The following MMP12 variants were observed in gnomAD, a reference collection of about 807,000 sequenced individuals.
MMP12 encodes matrix metallopeptidase 12, also known as macrophage metalloelastase.
Under a neutral mutation model 45.2 loss-of-function variants are expected in MMP12, and 51 were observed. That is an observed-to-expected ratio of 1.13 (90% CI 0.90 to 1.42). The LOEUF is 1.42. MMP12 is among the 40% of genes most tolerant of loss of function. The probability of loss-of-function intolerance (pLI) is 0.00; values close to 1 mark genes in which losing one functional copy is unlikely to be tolerated. For synonymous variants in MMP12, 210 were observed against 193.3 expected, an observed-to-expected ratio of 1.09 and a Z score of -0.72; for missense variants, 530 against 570.8, an observed-to-expected ratio of 0.93 and a Z score of 0.73.
chr11:102,868,616 G>A (rs1859439831), intron 4 of MMP12, among the ~76,000 whole-genome samples: 2 of 152,080 alleles, frequency 1.3e-5, no homozygotes, highest in Admixed American at 1.3e-4. Context: ...GGTACTGTGA[G>A]TCACTGAGAA....
Position 102,871,700 on chromosome 11 carries a change from A to G in MMP12, c.519T>C (p.Ala173=). 1 of 1,609,820 alleles carries G rather than the reference A, an allele frequency of 6.2e-7. No individual in the cohort carries two copies. Among genetic ancestry groups the G allele is most frequent in the Non-Finnish European group, 8.5e-7 (1 of 1,177,810 alleles). The change falls in exon 4 of 10, where the codon GCT becomes GCC. Residue 173 remains alanine (A), a synonymous_variant. Transcript: ENST00000571244. ...FARGAHGDFH[A]FDGKGGILAH... is the part of the protein sequence containing the mutation. ...CTAGGATTCCACCTTTGCCATCAAA[A>G]GCATGGAAGTCTCCATGAGCTTTTG...
chr11:102,867,037 TTCCTACTGCAAA>T (rs1859400285), intron 6 of MMP12, among the ~76,000 whole-genome samples: 1 of 152,176 alleles, frequency 6.6e-6, no homozygotes, highest in African/African-American at 2.4e-5. Context: ...CCATCCCAGA[TTCCTACTGCAAA>T]TCGTTTTTTA....
At chr11:102,872,713 T>G (rs1859522802) in intron 2 of MMP12, among the ~76,000 whole-genome samples, 152 bp downstream of exon 2, 1 of 152,156 alleles carries the variant, frequency 6.6e-6, no homozygotes, top group African/African-American at 2.4e-5. Flanking sequence ...AATTCTTCCT[T>G]CTAGAGAAAA....
At chr11:102,873,174 C>T in intron 1 of MMP12, 62 bp from the exon 2 acceptor site, 1 of 1,466,020 alleles carries the variant, frequency 6.8e-7, no homozygotes, top group Non-Finnish European at 9.3e-7. Context: ...GTTGGGAGCT[C>T]CACATATATG....
In MMP12 at chr11:102,874,879, T is replaced by C; in HGVS notation, c.59A>G (p.Asn20Ser). The change falls in exon 1 of 10, where the codon AAC (asparagine) becomes AGC (serine). Residue 20 changes from asparagine to serine, a missense_variant. Physicochemically the swap from Asn to Ser is conservative, Grantham distance 46. Transcript: ENST00000571244. ...ATTTTTTTCCAGGCTTGTAGAGCTG[T>C]TCAGGGGAAGAGCTCCAGAAGCAGT... ...QATASGALPL[N>S]SSTSLEKNNV... 1 of 1,607,702 alleles carries C rather than the reference T, an allele frequency of 6.2e-7. No homozygotes were observed. The highest frequency in any genetic ancestry group is 8.5e-7 in the Non-Finnish European group (1 of 1,176,906).
intron 1 of MMP12, 128 bp from the exon 2 acceptor site, chr11:102,873,240 G>T (rs997165376): frequency 1.2e-6 from 1 of 803,394 alleles, no homozygotes; most frequent in Non-Finnish European, 1.9e-6. Context: ...TTACTCACAG[G>T]TTAGATTATT....
chr11:102,872,069 C>T (rs540692443), intron 2 of MMP12, 117 bp from the exon 3 acceptor site: 1 of 1,185,330 alleles, frequency 8.4e-7, no homozygotes, highest in Admixed American at 3.4e-5. Context: ...AATCAAGAGT[C>T]CAGATTTTAA....
rs550262956 is a variant in MMP12 at position 102,865,819 on chromosome 11, G to A, written c.1162C>T (p.Arg388Cys). Reference protein sequence around the residue: ...KKIDAAVFNPRFYRTYFFVDN... With the variant: ...KKIDAAVFNPCFYRTYFFVDN... ...ACAAAGAAGTAGGTCCTATAAAAACGTGGGTTAAAAACAGCTGCATCAATT... is the reference window on the plus strand; with the variant it reads ...ACAAAGAAGTAGGTCCTATAAAAACATGGGTTAAAAACAGCTGCATCAATT... The change falls in exon 8 of 10, where the codon CGT (arginine) becomes TGT (cysteine). Residue 388 changes from arginine (R) to cysteine (C), a missense_variant. By Grantham distance (180) the Arg-to-Cys change is radical. Coordinates refer to ENST00000571244, the MANE Select transcript of MMP12 (RefSeq NM_002426.6). This position sits in a 1 kb window ranked among gnomAD's most constrained non-coding sequence, Gnocchi z 4.1. The A allele has an allele frequency of 6.8e-6, 11 of 1,612,458 alleles. No individual in the cohort carries two copies. Among genetic ancestry groups the A allele is most frequent in the East Asian group, 2.2e-5 (1 of 44,802 alleles).
chr11:102,867,601 A>T (rs970607798), intron 5 of MMP12, among the ~76,000 whole-genome samples: 16 of 152,262 alleles, frequency 1.1e-4, no homozygotes, highest in Admixed American at 3.9e-4. Flanking sequence ...GATTATCTTT[A>T]CTTTCCTTTT....
At chr11:102,873,250 T>G in intron 1 of MMP12, 138 bp from the exon 2 acceptor site, 1 of 777,376 alleles carries the variant, frequency 1.3e-6, no homozygotes, top group Non-Finnish European at 2.0e-6. Context: ...GTTAGATTAT[T>G]GTTTTTTGGA....
Position 102,872,992 on chromosome 11 carries a change from C to T in MMP12, c.223G>A (p.Val75Met), listed in dbSNP as rs200085197. 3 of 1,613,652 alleles carry T rather than the reference C, an allele frequency of 1.9e-6. No individual in the cohort carries two copies. Among genetic ancestry groups the T allele is most frequent in the Non-Finnish European group, 2.5e-6 (3 of 1,179,742 alleles). ...QEMQHFLGLK[V>M]TGQLDTSTLE... Reference sequence around the variant, plus strand: ...GTAGATGTGTCCAGTTGCCCGGTCACTTTCAGACCCAAGAAGTGCTGCATT... The same window carrying T: ...GTAGATGTGTCCAGTTGCCCGGTCATTTTCAGACCCAAGAAGTGCTGCATT... Residue 75 changes from valine to methionine, a missense_variant, in exon 2 of 10, where the codon GTG becomes ATG. Coordinates refer to ENST00000571244, the MANE Select transcript of MMP12 (RefSeq NM_002426.6).
intron 4 of MMP12, 128 bp from the exon 5 acceptor site, chr11:102,868,197 G>A (rs1166882206): frequency 1.2e-6 from 1 of 842,576 alleles, no homozygotes; most frequent in Non-Finnish European, 1.8e-6. Flanking sequence ...TTTTGAGTTG[G>A]GTTTCTCAAT....
chr11:102,867,051 C>T lies in MMP12; in HGVS notation c.911+219G>A, dbSNP rs150488291. On this transcript the variant is annotated intron_variant, in intron 6 of 9. Coordinates refer to ENST00000571244, the MANE Select transcript of MMP12 (RefSeq NM_002426.6). ...CCCATCCCAGATTCCTACTGCAAAT[C>T]GTTTTTTACACACCAGTTTTCTAGT... Among the ~76,000 whole-genome samples, 7 of 152,240 alleles carry T rather than the reference C, an allele frequency of 4.6e-5. No individual in the cohort carries two copies. The East Asian group carries it at 1.2e-3, about 25-fold the overall frequency.
rs28381686 is a variant in MMP12 at position 102,865,916 on chromosome 11, A to G, written c.1065T>C (p.Ile355=). The G allele has an allele frequency of 8.3e-4, 1,339 of 1,611,786 alleles. 6 individuals are homozygous for G. In the African/African-American group the frequency reaches 0.016, roughly 20 times the overall value. ...AATTTGGCTCTGGTCTTAAATTGCTAATTAACCAGTATTTGTCATCTGTGA... is the reference window on the plus strand; with the variant it reads ...AATTTGGCTCTGGTCTTAAATTGCTGATTAACCAGTATTTGTCATCTGTGA... ...FLFKDDKYWL[I]SNLRPEPNYP... is the part of the protein sequence containing the mutation. Residue 355 remains isoleucine (I), a synonymous_variant, in exon 8 of 10, where the codon ATT becomes ATC. Coordinates refer to ENST00000571244, the MANE Select transcript of MMP12 (RefSeq NM_002426.6). The surrounding 1 kb of genome is among the most constrained non-coding windows in gnomAD (Gnocchi z 4.1).
rs146952212 is a variant in MMP12, at chr11:102,867,969, A to G, written c.726T>C (p.Tyr242=). The G allele has an allele frequency of 5.7e-5, 92 of 1,609,792 alleles. No individual in the cohort carries two copies. In the African/African-American group the frequency reaches 9.7e-4, roughly 17 times the overall value. ...AGAGGCGAAATGTGTTGATGTCAAC[A>G]TATTTGTAGGTGGGGAACATTACGG... ...PKAVMFPTYK[Y]VDINTFRLSA... The change falls in exon 5 of 10, where the codon TAT becomes TAC. Residue 242 remains tyrosine (Y), a synonymous_variant. Coordinates refer to ENST00000571244, the MANE Select transcript of MMP12 (RefSeq NM_002426.6).
intron 4 of MMP12, among the ~76,000 whole-genome samples, chr11:102,868,563 C>T (rs1208341126): frequency 1.3e-5 from 2 of 152,212 alleles, no homozygotes; most frequent in Middle Eastern, 3.4e-3. Context: ...CTTTAGCAAT[C>T]GTCTTTTCGT....
At position 102,865,751 on chromosome 11, in the gene MMP12, C is replaced by T. The variant is rs782093679; in HGVS notation, c.1205+25G>A. ...ATATCTGTTTCACAATCTGAGGGGT[C>T]GAATGACCAACCATTAAAACTCACC... On this transcript the variant is annotated intron_variant, in intron 8 of 9. Coordinates refer to ENST00000571244, the MANE Select transcript of MMP12 (RefSeq NM_002426.6). This position sits in a 1 kb window ranked among gnomAD's most constrained non-coding sequence, Gnocchi z 4.1. The T allele has an allele frequency of 2.5e-6, 4 of 1,584,470 alleles. 1 individual carries two copies. The highest frequency in any genetic ancestry group is 4.5e-5 in the East Asian group (2 of 44,374).
At chr11:102,869,933 A>AGAG (rs1398684699) in intron 4 of MMP12, among the ~76,000 whole-genome samples, 1 of 152,186 alleles carries the variant, frequency 6.6e-6, no homozygotes, top group African/African-American at 2.4e-5. Context: ...AAAGCAAATA[A>AGAG]CAGCAACAAC....
Position 102,871,637 on chromosome 11 carries a change from A to C in MMP12, c.582T>G (p.Asp194Glu), listed in dbSNP as rs200388313. ...AGAATTCGTCCTCATCGAAATGTGCATCCCCTCCAATGCCAGATCCAGGTC... is the reference window on the plus strand; with the variant it reads ...AGAATTCGTCCTCATCGAAATGTGCCTCCCCTCCAATGCCAGATCCAGGTC... ...AFGPGSGIGG[D>E]AHFDEDEFWT... The change falls in exon 4 of 10, where the codon GAT becomes GAG. Residue 194 changes from aspartate (D) to glutamate (E), a missense_variant. Asp to Glu is a conservative substitution (Grantham distance 45, BLOSUM62 2). Transcript: ENST00000571244. 1 of 1,572,042 alleles carries C rather than the reference A, an allele frequency of 6.4e-7. No homozygotes were observed. The highest frequency in any genetic ancestry group is 1.9e-5 in the Admixed American group (1 of 53,236).
Sources: allele counts gnomAD v4.1 joint callset (sites outside exome capture counted in the v4.1 genomes callset), GRCh38; gene constraint gnomAD v4.1.1; non-coding constraint Gnocchi (gnomAD v3.1); transcripts MANE v1.5; gene names NCBI Gene and HGNC (gene_info 2026-07-23, HGNC 2026-07-21).